SCML4: variants seen among roughly 807,000 people sequenced by gnomAD.
SCML4 encodes the protein sex comb on midleg-like protein 4.
SCML4 carries 34 observed loss-of-function variants against 41.1 expected under a neutral mutation model. The observed-to-expected ratio is 0.83, with a 90% CI of 0.63 to 1.10. The LOEUF (loss-of-function observed/expected upper bound fraction) is 1.10, where lower values mean the gene tolerates loss of function less well. Among genes scored for constraint, SCML4 ranks in the 50% least tolerant of loss-of-function variants. The probability of loss-of-function intolerance (pLI) is 0.00; values close to 1 mark genes in which losing one functional copy is unlikely to be tolerated. For synonymous variants in SCML4, 214 were observed against 220.9 expected (o/e 0.97, Z 0.28); for missense variants, 522 against 534.1 (o/e 0.98, Z 0.22).
intron 1 of SCML4, among the ~76,000 whole-genome samples, chr6:107,821,954 A>C (rs1057508012): frequency 5.3e-5 from 8 of 152,198 alleles, no homozygotes; most frequent in Admixed American, 1.3e-4. Context: ...GAAGCACTCT[A>C]ACATTTAAGC....
intron 2 of SCML4, among the ~76,000 whole-genome samples, chr6:107,755,879 C>T (rs1779068036): frequency 6.6e-6 from 1 of 152,078 alleles, no homozygotes; most frequent in Admixed American, 6.6e-5. Context: ...AAACAAAACA[C>T]ACACAATGGT....
At chr6:107,800,036 T>C (rs1053492970) in intron 1 of SCML4, among the ~76,000 whole-genome samples, 2 of 151,626 alleles carry the variant, frequency 1.3e-5, no homozygotes, top group African/African-American at 4.8e-5. Flanking sequence ...TGTTTTGAGA[T>C]GGGGGGGTCT....
chr6:107,758,863 G>GC (rs1249893418), intron 2 of SCML4, among the ~76,000 whole-genome samples: 1 of 152,096 alleles, frequency 6.6e-6, no homozygotes, highest in Non-Finnish European at 1.5e-5. Context: ...TGTTACAGCA[G>GC]CCCTAAGGAA....
chr6:107,744,458 C>T (rs1777877194), intron 5 of SCML4, among the ~76,000 whole-genome samples: 1 of 152,176 alleles, frequency 6.6e-6, no homozygotes, highest in Non-Finnish European at 1.5e-5. Flanking sequence ...CAAATCCCTG[C>T]AATAATAGAC....
At chr6:107,827,093 A>G (rs1164776248), upstream of SCML4, among the ~76,000 whole-genome samples, 1 of 148,886 alleles carries the variant, frequency 6.7e-6, no homozygotes, top group East Asian at 1.9e-4. Flanking sequence ...ATATATATGT[A>G]TATATTTAAG....
At chr6:107,714,047 GAT>G (rs1583380999) in intron 6 of SCML4, among the ~76,000 whole-genome samples, 1 of 152,272 alleles carries the variant, frequency 6.6e-6, no homozygotes, top group East Asian at 1.9e-4. Flanking sequence ...GAGTAGCTGG[GAT>G]TATAGGCAAG....
chr6:107,792,191 C>T (rs1214498319), intron 1 of SCML4, among the ~76,000 whole-genome samples: 3 of 152,138 alleles, frequency 2.0e-5, no homozygotes, highest in Non-Finnish European at 4.4e-5. Flanking sequence ...AATGAGACAC[C>T]ACCCAGGATC....
intron 2 of SCML4, among the ~76,000 whole-genome samples, chr6:107,759,132 C>CAAAAAAAAAAAAAAAAAAACCCAAAAAA (rs1779344458): frequency 1.1e-5 from 1 of 88,220 alleles, no homozygotes; most frequent in African/African-American, 4.5e-5. Flanking sequence ...ACAAAAAATA[C>CAAAAAAAAAAAAAAAAAAACCCAAAAAA]AAAAAAAAAA....
chr6:107,714,080 G>C (rs1440362502), intron 6 of SCML4, among the ~76,000 whole-genome samples: 1 of 152,158 alleles, frequency 6.6e-6, no homozygotes, highest in Non-Finnish European at 1.5e-5. Flanking sequence ...TCTATCCAGA[G>C]TTTTCAAGAT....
intron 1 of SCML4, among the ~76,000 whole-genome samples, chr6:107,789,870 G>A (rs1457249882): frequency 6.6e-6 from 1 of 152,182 alleles, no homozygotes; most frequent in African/African-American, 2.4e-5. Flanking sequence ...CAAATAGTGG[G>A]TGAATAAATG....
the SCML4 span, among the ~76,000 whole-genome samples, chr6:107,844,501 C>T: frequency 2.8e-4 from 42 of 152,248 alleles, no homozygotes; most frequent in Non-Finnish European, 5.6e-4. Flanking sequence ...AGTTGGAGAT[C>T]AGCCTAGGCA....
At position 107,720,866 on chromosome 6, in the gene SCML4, C is replaced by T. The variant is rs779650891; in HGVS notation, c.810G>A (p.Lys270=). ...SLHPSSSLYC[K]RQNSGDSHLG... ...GGTGGCTGTCTCCAGAGTTCTGCCT[C>T]TTGCAGTACAGCGAGGAGGAGGGGT... The change falls in exon 6 of 8, where the codon AAG becomes AAA. Residue 270 remains lysine (K), a synonymous_variant. Transcript: ENST00000369020. 6.2e-7 allele frequency: 1 copy of T among 1,614,184 alleles called. No individual in the cohort carries two copies. The highest frequency in any genetic ancestry group is 8.5e-7 in the Non-Finnish European group (1 of 1,180,038).
chr6:107,822,152 C>T (rs907053217), intron 1 of SCML4, among the ~76,000 whole-genome samples: 1 of 152,174 alleles, frequency 6.6e-6, no homozygotes, highest in African/African-American at 2.4e-5. Context: ...TATCTTTGTA[C>T]TTTGGGGTAG....
the SCML4 span, among the ~76,000 whole-genome samples, chr6:107,844,558 A>T: frequency 7.3e-5 from 11 of 151,232 alleles, no homozygotes; most frequent in Non-Finnish European, 1.2e-4. Flanking sequence ...AATTTGCTGA[A>T]CGTGGTAGCA....
At chr6:107,831,871 G>A in the SCML4 span, among the ~76,000 whole-genome samples, 1 of 145,818 alleles carries the variant, frequency 6.9e-6, no homozygotes, top group South Asian at 2.3e-4. Flanking sequence ...GGCTAACACG[G>A]TGAAACCCGT....
chr6:107,747,004 A>G lies in SCML4; in HGVS notation c.287-115T>C, dbSNP rs1778172075. 3 of 843,136 alleles carry G rather than the reference A, an allele frequency of 3.6e-6. No homozygotes were observed. The South Asian group carries it at 5.4e-5, about 15-fold the overall frequency. 52.2% of individuals were successfully genotyped at this position (843,136 alleles called of 1,614,324 possible). A position where few individuals can be genotyped will look rare whatever the true frequency, so the allele number is the denominator to read the frequency against. ...TGCCCCTTTGGCCCTGGCCTTGGGA[A>G]AGCTGGCAAGGGCAAAAGTGGGGTG... On this transcript the variant is annotated intron_variant, in intron 3 of 7. Coordinates refer to ENST00000369020, the MANE Select transcript of SCML4 (RefSeq NM_198081.5).
Position 107,749,727 on chromosome 6 carries a change from G to C in SCML4, c.243C>G (p.Asp81Glu), listed in dbSNP as rs371372189. Reference protein sequence around the residue: ...PEPDLSSIPQDAATVPSLAAP... With the variant: ...PEPDLSSIPQEAATVPSLAAP... The stretch of plus-strand genomic sequence containing the variant: ...CCGCCAAGCTGGGGACCGTGGCTGC[G>C]TCCTGAGGGATGGAGCTGAGGTCGG... Residue 81 changes from aspartate (D) to glutamate (E), a missense_variant, in exon 3 of 8, where the codon GAC (aspartate) becomes GAG (glutamate). Transcript: ENST00000369020. The C allele has an allele frequency of 3.1e-6, 5 of 1,613,906 alleles. No individual in the cohort carries two copies. Among genetic ancestry groups the C allele is most frequent in the African/African-American group, 1.3e-5 (1 of 74,900 alleles).
At chr6:107,774,913 C>T (rs1562244803) in intron 1 of SCML4, among the ~76,000 whole-genome samples, 1 of 151,412 alleles carries the variant, frequency 6.6e-6, no homozygotes, top group Non-Finnish European at 1.5e-5. Flanking sequence ...ATTCCAACTA[C>T]TAGGGAGGCT....
chr6:107,764,740 G>A (rs1243191474), intron 2 of SCML4, among the ~76,000 whole-genome samples: 1 of 152,182 alleles, frequency 6.6e-6, no homozygotes, highest in Non-Finnish European at 1.5e-5. Flanking sequence ...TTGAATTGTA[G>A]CTCCCATAAT....
Sources: gnomAD v4.1 joint callset for allele counts (sites outside exome capture counted in the v4.1 genomes callset) on GRCh38, gnomAD v4.1.1 for gene constraint, MANE v1.5 for transcripts, NCBI Gene and HGNC (gene_info 2026-07-23, HGNC 2026-07-21) for gene names.